Variants in TBC1D22A observed in about 807,000 individuals in gnomAD.
The protein encoded by TBC1D22A is TBC1 domain family member 22A.
Under a neutral mutation model 60.2 loss-of-function variants are expected in TBC1D22A, and 38 were observed. The observed-to-expected ratio is 0.63, with a 90% confidence interval of 0.49 to 0.83. The LOEUF (loss-of-function observed/expected upper bound fraction) is 0.83. TBC1D22A is among the 40% of genes least tolerant of loss of function. The probability of loss-of-function intolerance (pLI) is 0.00; values close to 1 mark genes in which losing one functional copy is unlikely to be tolerated. For synonymous variants in TBC1D22A, 302 were observed against 281.7 expected (o/e 1.07, Z -0.72); for missense variants, 628 against 701.0 (o/e 0.90, Z 1.18).
rs191501941 is a variant in TBC1D22A at position 46,857,851 on chromosome 22, T to G, written c.638-20802T>G. ...GCCAAATAAGATTCCATTGAATGGA[T>G]GTGCTGTGTTTTATTCATCCACTCT... On this transcript the variant is annotated intron_variant, in intron 4 of 12. Coordinates refer to ENST00000337137, the MANE Select transcript of TBC1D22A (RefSeq NM_014346.5). Among the ~76,000 whole-genome samples the G allele has an allele frequency of 1.4e-4, 22 of 152,328 alleles. No homozygotes were observed. The East Asian group carries it at 3.9e-3, about 27-fold the overall frequency.
At chr22:47,172,077 G>GCCCAACGCACCTGCCCAGTGCGC (rs2068502401) in intron 12 of TBC1D22A, among the ~76,000 whole-genome samples, 1 of 129,442 alleles carries the variant, frequency 7.7e-6, no homozygotes, top group Admixed American at 7.8e-5. Flanking sequence ...CTCCCAGTGA[G>GCCCAACGCACCTGCCCAGTGCGC]CCTACCCAGC....
intron 8 of TBC1D22A, among the ~76,000 whole-genome samples, chr22:46,958,628 G>A (rs189194505): frequency 1.4e-4 from 22 of 152,326 alleles, no homozygotes; most frequent in Admixed American, 2.6e-4. Context: ...ATGCATAAGC[G>A]TTTTGTAGCA....
At chr22:47,110,305 C>A (rs1390554658) in intron 11 of TBC1D22A, among the ~76,000 whole-genome samples, 3 of 152,066 alleles carry the variant, frequency 2.0e-5, no homozygotes, top group African/African-American at 7.2e-5. Flanking sequence ...CATGGTGAAA[C>A]CCCGTCTCTA....
intron 11 of TBC1D22A, among the ~76,000 whole-genome samples, chr22:47,097,633 A>C (rs952051874): frequency 1.3e-5 from 2 of 152,162 alleles, no homozygotes; most frequent in Non-Finnish European, 2.9e-5. Context: ...AAGAAAAAGA[A>C]AAGAAATGCA....
chr22:47,165,329 C>G (rs1272093010), intron 12 of TBC1D22A, among the ~76,000 whole-genome samples: 1 of 152,192 alleles, frequency 6.6e-6, no homozygotes, highest in Non-Finnish European at 1.5e-5. Flanking sequence ...GCCTGCAACT[C>G]TTGCAGATAG....
intron 11 of TBC1D22A, among the ~76,000 whole-genome samples, chr22:47,083,848 A>G (rs540220244): frequency 1.3e-5 from 2 of 152,350 alleles, no homozygotes; most frequent in African/African-American, 4.8e-5. Flanking sequence ...CACGCCCACC[A>G]GAATGGCTGA....
At chr22:46,897,641 T>TTTTTTTG (rs1569189485) in intron 7 of TBC1D22A, among the ~76,000 whole-genome samples, 18 of 126,386 alleles carry the variant, frequency 1.4e-4, no homozygotes, top group African/African-American at 5.0e-4. Flanking sequence ...TTTCGTTTTG[T>TTTTTTTG]TTTTTTTTGT....
At chr22:46,876,806 C>T (rs1325905632) in intron 4 of TBC1D22A, among the ~76,000 whole-genome samples, 7 of 152,188 alleles carry the variant, frequency 4.6e-5, no homozygotes, top group Non-Finnish European at 1.0e-4. Flanking sequence ...CTCCCCACCC[C>T]CAGGGCTGCT....
intron 8 of TBC1D22A, among the ~76,000 whole-genome samples, chr22:46,967,055 C>T (rs1438973532): frequency 2.0e-5 from 3 of 152,210 alleles, no homozygotes; most frequent in Admixed American, 2.0e-4. Context: ...ACGTCTCGCC[C>T]TCCCACCGTA....
chr22:46,999,775 C>G (rs905935431), intron 10 of TBC1D22A, among the ~76,000 whole-genome samples: 1 of 152,230 alleles, frequency 6.6e-6, no homozygotes, highest in South Asian at 2.1e-4. Context: ...CCTGTAATCC[C>G]AGCACCTTGG....
intron 10 of TBC1D22A, among the ~76,000 whole-genome samples, chr22:47,014,691 A>C (rs151182913): frequency 6.6e-6 from 1 of 151,340 alleles, no homozygotes; most frequent in East Asian, 2.0e-4. Context: ...CGAGTCACGC[A>C]GGTGAAACTT....
chr22:47,154,452 A>G (rs1269844038), intron 12 of TBC1D22A, among the ~76,000 whole-genome samples: 5 of 152,112 alleles, frequency 3.3e-5, no homozygotes, highest in African/African-American at 1.2e-4. Flanking sequence ...GCTTGAAATT[A>G]CGACTCTTTG....
intron 12 of TBC1D22A, chr22:47,115,850 C>G (rs960389648): frequency 6.6e-6 from 1 of 152,290 alleles, no homozygotes; most frequent in Admixed American, 6.5e-5. Flanking sequence ...GAGCCATGTC[C>G]TGTGCCCATT....
At chr22:47,020,376 C>T (rs1333104089) in intron 10 of TBC1D22A, among the ~76,000 whole-genome samples, 2 of 152,158 alleles carry the variant, frequency 1.3e-5, no homozygotes, top group Admixed American at 6.5e-5. Flanking sequence ...GGAAGCTCTG[C>T]GTCTTCAACC....
At chr22:47,098,168 G>A (rs2065257295) in intron 11 of TBC1D22A, among the ~76,000 whole-genome samples, 1 of 152,184 alleles carries the variant, frequency 6.6e-6, no homozygotes, top group African/African-American at 2.4e-5. Flanking sequence ...AGGCACGTGG[G>A]CTCTTCCGTG....
intron 12 of TBC1D22A, among the ~76,000 whole-genome samples, chr22:47,124,943 G>A (rs2066403324): frequency 6.6e-6 from 1 of 152,124 alleles, no homozygotes; most frequent in Admixed American, 6.5e-5. Context: ...GGCGGGAGTG[G>A]AGACATAGAG....
At chr22:47,008,360 A>G (rs1244346708) in intron 10 of TBC1D22A, among the ~76,000 whole-genome samples, 1 of 152,188 alleles carries the variant, frequency 6.6e-6, no homozygotes, top group African/African-American at 2.4e-5. Flanking sequence ...GAGGGAGCAG[A>G]TGCAGATAGC....
chr22:46,935,208 T>C (rs1274355587), intron 8 of TBC1D22A, among the ~76,000 whole-genome samples: 1 of 152,044 alleles, frequency 6.6e-6, no homozygotes, highest in Non-Finnish European at 1.5e-5. Flanking sequence ...CCAAGCAGAG[T>C]AGAGTCCAAC....
At chr22:47,069,862 G>T (rs868499592) in intron 11 of TBC1D22A, among the ~76,000 whole-genome samples, 1 of 141,402 alleles carries the variant, frequency 7.1e-6, no homozygotes, top group South Asian at 2.3e-4. Flanking sequence ...ACGGTTCCAG[G>T]CTGTTCCCTG....
Sources: gnomAD v4.1 joint callset for allele counts (sites outside exome capture counted in the v4.1 genomes callset) on GRCh38, gnomAD v4.1.1 for gene constraint, MANE v1.5 for transcripts, NCBI Gene and HGNC (gene_info 2026-07-23, HGNC 2026-07-21) for gene names.